Variants in PCDHGA11 observed in about 807,000 individuals in gnomAD.
The protein encoded by PCDHGA11 is protocadherin gamma-A11.
PCDHGA11 carries 39 observed loss-of-function variants against 60.4 expected under a neutral mutation model. That is an observed-to-expected ratio of 0.65 (90% CI 0.50 to 0.84). The LOEUF (loss-of-function observed/expected upper bound fraction) is 0.84, where lower values mean the gene tolerates loss of function less well. Ranked by LOEUF, PCDHGA11 falls within the 40% of genes least tolerant of loss-of-function variation. The pLI is 0.00. For missense variants in PCDHGA11, 1,165 were observed against 1,197.7 expected, an observed-to-expected ratio of 0.97 and a Z score of 0.40; for synonymous variants, 533 against 510.3, an observed-to-expected ratio of 1.04 and a Z score of -0.60.
In PCDHGA11 at chr5:141,489,307, T is replaced by A; in HGVS notation, c.2434-5500T>A. On this transcript the variant is annotated intron_variant, in intron 1 of 3. Transcript: ENST00000398587. The surrounding 1 kb of genome is among the most constrained non-coding windows in gnomAD (Gnocchi z 4.5). ...AGTGCTGTGCATGTTGTCCTTGTGCTGCTGGGGCTGGGTGTCTGGGCAGCT... is the reference window on the plus strand; with the variant it reads ...AGTGCTGTGCATGTTGTCCTTGTGCAGCTGGGGCTGGGTGTCTGGGCAGCT... The A allele has an allele frequency of 6.3e-7, 1 of 1,591,138 alleles. No individual in the cohort carries two copies. The highest frequency in any genetic ancestry group is 8.6e-7 in the Non-Finnish European group (1 of 1,168,222).
At chr5:141,451,925 G>A (rs1391178313) in intron 1 of PCDHGA11, among the ~76,000 whole-genome samples, 2 of 152,012 alleles carry the variant, frequency 1.3e-5, no homozygotes, top group East Asian at 3.8e-4. Context: ...AGGAAGGGAG[G>A]TAGGGAGGCA....
At chr5:141,478,840 A>G (rs2099480064) in intron 1 of PCDHGA11, 1 of 1,410,466 alleles carries the variant, frequency 7.1e-7, no homozygotes, top group Non-Finnish European at 9.3e-7. Context: ...AGGGATGGTT[A>G]AGCTAAAACA....
chr5:141,441,609 A>G (rs922588350), intron 1 of PCDHGA11: 2 of 218,734 alleles, frequency 9.1e-6, no homozygotes, highest in South Asian at 5.5e-5. Context: ...TCCCTATTCC[A>G]TCGTGGCCAG....
rs1219842498 is a variant in PCDHGA11, at chr5:141,422,569, G to A, written c.1342G>A (p.Asp448Asn). The A allele has an allele frequency of 6.2e-7, 1 of 1,613,984 alleles. No individual in the cohort carries two copies. The highest frequency in any genetic ancestry group is 1.7e-5 in the Admixed American group (1 of 60,026). ...HVWLNVADDN[D>N]NPPVFPHSSY... Reference sequence around the variant, plus strand: ...CTGGCTGAATGTGGCAGATGACAACGATAACCCTCCCGTTTTTCCTCACTC... The same window carrying A: ...CTGGCTGAATGTGGCAGATGACAACAATAACCCTCCCGTTTTTCCTCACTC... The change falls in exon 1 of 4, where the codon GAT becomes AAT. Residue 448 changes from aspartate to asparagine, a missense_variant. Physicochemically the swap from Asp to Asn is conservative, Grantham distance 23 (BLOSUM62 1). Coordinates refer to ENST00000398587, the MANE Select transcript of PCDHGA11 (RefSeq NM_018914.3).
At chr5:141,503,384 C>G (rs898225633) in intron 2 of PCDHGA11, among the ~76,000 whole-genome samples, 1 of 151,906 alleles carries the variant, frequency 6.6e-6, no homozygotes, top group Non-Finnish European at 1.5e-5. Flanking sequence ...ATCATGAGGT[C>G]AGGAGTTCGA....
At chr5:141,498,669 C>T (rs774292307) in intron 2 of PCDHGA11, among the ~76,000 whole-genome samples, 29 of 152,156 alleles carry the variant, frequency 1.9e-4, no homozygotes, top group African/African-American at 6.0e-4. Flanking sequence ...TGGTGGCTCA[C>T]GCCTGTAATC....
chr5:141,498,684 C>T (rs1255085852), intron 2 of PCDHGA11, among the ~76,000 whole-genome samples: 1 of 152,192 alleles, frequency 6.6e-6, no homozygotes, highest in South Asian at 2.1e-4. Flanking sequence ...GTAATCCCAG[C>T]ACTTTGGGAG....
intron 1 of PCDHGA11, among the ~76,000 whole-genome samples, chr5:141,456,842 A>G (rs1374546355): frequency 6.6e-6 from 1 of 152,150 alleles, no homozygotes; most frequent in African/African-American, 2.4e-5. Flanking sequence ...GGGCGCCTGT[A>G]ATCCCAGCTA....
Position 141,421,241 on chromosome 5 carries a change from T to C in PCDHGA11, c.14T>C (p.Leu5Pro). The change falls in exon 1 of 4, where the codon CTA becomes CCA. Residue 5 changes from leucine (L) to proline (P), a missense_variant. Transcript: ENST00000398587. The stretch of plus-strand genomic sequence containing the variant: ...TTAGAGCCTGCCATGGCGAATCGGC[T>C]ACAGCGCGGGGACCGCAGTCGGCTG... MANR[L>P]QRGDRSRLLL... The C allele has an allele frequency of 6.2e-7, 1 of 1,600,982 alleles. No homozygotes were observed. Among genetic ancestry groups the C allele is most frequent in the Non-Finnish European group, 8.5e-7 (1 of 1,174,904 alleles).
chr5:141,423,689 G>A (rs2096767103), intron 1 of PCDHGA11, 29 bp downstream of exon 1: 2 of 1,400,130 alleles, frequency 1.4e-6, no homozygotes, highest in Non-Finnish European at 9.4e-7. Context: ...CCTCCTAATT[G>A]TTGGTGTCTT....
At position 141,477,368 on chromosome 5, in the gene PCDHGA11, G is replaced by A; in HGVS notation, c.2434-17439G>A. Reference sequence around the variant, plus strand: ...GAAAACCAGTGCAGACCTGGATCGGGAGACTGTGCCAGAATACAACCTCAG... The same window carrying A: ...GAAAACCAGTGCAGACCTGGATCGGAAGACTGTGCCAGAATACAACCTCAG... On this transcript the variant is annotated intron_variant, in intron 1 of 3. Coordinates refer to ENST00000398587, the MANE Select transcript of PCDHGA11 (RefSeq NM_018914.3). The surrounding 1 kb of genome is among the most constrained non-coding windows in gnomAD (Gnocchi z 4.9). 6.2e-7 allele frequency: 1 copy of A among 1,614,132 alleles called. No individual in the cohort carries two copies. Among genetic ancestry groups the A allele is most frequent in the Non-Finnish European group, 8.5e-7 (1 of 1,180,024 alleles).
chr5:141,490,042 G>C lies in PCDHGA11; in HGVS notation c.2434-4765G>C. 1 of 1,614,266 alleles carries C rather than the reference G, an allele frequency of 6.2e-7. No individual in the cohort carries two copies. Among genetic ancestry groups the C allele is most frequent in the Non-Finnish European group, 8.5e-7 (1 of 1,180,038 alleles). The stretch of plus-strand genomic sequence containing the variant: ...TCTGCTGCTCCGCCTCAATGCCACT[G>C]ATCCAGACGAGGGCACCAACGGCCA... On this transcript the variant is annotated intron_variant, in intron 1 of 3. Coordinates refer to ENST00000398587, the MANE Select transcript of PCDHGA11 (RefSeq NM_018914.3). This position sits in a 1 kb window ranked among gnomAD's most constrained non-coding sequence, Gnocchi z 5.4.
chr5:141,430,826 CTG>C (rs2097313923), intron 1 of PCDHGA11: 1 of 1,550,416 alleles, frequency 6.4e-7, no homozygotes, highest in Non-Finnish European at 8.7e-7. Context: ...CCTGGGGACT[CTG>C]TGGGAGACCG....
At position 141,421,455 on chromosome 5, in the gene PCDHGA11, C is replaced by G. The variant is rs762490406; in HGVS notation, c.228C>G (p.Phe76Leu). ...TCTCCAGAGGGAAGACACAGCTTTT[C>G]GCTGTGAATCCGCGAAGCGGCAGCT... ...RIVSRGKTQLFAVNPRSGSLI... is the reference protein window; with the variant it reads ...RIVSRGKTQLLAVNPRSGSLI... Residue 76 changes from phenylalanine to leucine, a missense_variant, in exon 1 of 4, where the codon TTC (phenylalanine) becomes TTG (leucine). By Grantham distance (22) the Phe-to-Leu change is conservative (BLOSUM62 0). Transcript: ENST00000398587. 10 of 1,614,108 alleles carry G rather than the reference C, an allele frequency of 6.2e-6. No homozygotes were observed. The highest frequency in any genetic ancestry group is 1.1e-5 in the South Asian group (1 of 91,090).
rs1247556723 is a variant in PCDHGA11 at position 141,489,841 on chromosome 5, G to A, written c.2434-4966G>A. 6.2e-7 allele frequency: 1 copy of A among 1,614,224 alleles called. No individual in the cohort carries two copies. The highest frequency in any genetic ancestry group is 1.7e-5 in the Admixed American group (1 of 60,032). On this transcript the variant is annotated intron_variant, in intron 1 of 3. Coordinates refer to ENST00000398587, the MANE Select transcript of PCDHGA11 (RefSeq NM_018914.3). The surrounding 1 kb of genome is among the most constrained non-coding windows in gnomAD (Gnocchi z 4.5). Reference sequence around the variant, plus strand: ...AGAGCTGGTGCTAGAGCAGCAGCTGGATCGTGAAGCCCAGGCAAGACATCA... The same window carrying A: ...AGAGCTGGTGCTAGAGCAGCAGCTGAATCGTGAAGCCCAGGCAAGACATCA...
intron 1 of PCDHGA11, chr5:141,468,497 C>T (rs1033597673): frequency 2.0e-5 from 3 of 152,074 alleles, no homozygotes; most frequent in Non-Finnish European, 4.4e-5. Context: ...GGAAGATTTT[C>T]ATGTGGACAA....
Position 141,476,072 on chromosome 5 carries a change from C to A in PCDHGA11, c.2434-18735C>A. 1.3e-6 allele frequency: 2 copies of A among 1,523,462 alleles called. No individual in the cohort carries two copies. The highest frequency in any genetic ancestry group is 1.3e-5 in the South Asian group (1 of 77,998). 94.4% of individuals were successfully genotyped at this position (1,523,462 alleles called of 1,614,324 possible). The stretch of plus-strand genomic sequence containing the variant: ...CGCTGAAAGTTTCTCAGCGAAATCT[C>A]AGGGACGATCTGGACCCCGCTGAGA... On this transcript the variant is annotated intron_variant, in intron 1 of 3. Coordinates refer to ENST00000398587, the MANE Select transcript of PCDHGA11 (RefSeq NM_018914.3). The surrounding 1 kb of genome is among the most constrained non-coding windows in gnomAD (Gnocchi z 7.6).
Position 141,421,201 on chromosome 5 carries a change from C to A in PCDHGA11, c.-27C>A. On this transcript the variant is annotated 5_prime_UTR_variant, in exon 1 of 4. Coordinates refer to ENST00000398587, the MANE Select transcript of PCDHGA11 (RefSeq NM_018914.3). The stretch of plus-strand genomic sequence containing the variant: ...ATTCACAACCAACCAGCTCGAGAAA[C>A]CGCGGAATATCGGCTTAGAGCCTGC... 2.0e-6 allele frequency: 3 copies of A among 1,518,204 alleles called. No individual in the cohort carries two copies. Among genetic ancestry groups the A allele is most frequent in the Non-Finnish European group, 2.6e-6 (3 of 1,134,998 alleles). 94.0% of individuals were successfully genotyped at this position (1,518,204 alleles called of 1,614,324 possible). A position where few individuals can be genotyped will look rare whatever the true frequency, so the allele number is the denominator to read the frequency against.
Position 141,432,205 on chromosome 5 carries a change from A to G in PCDHGA11, c.2433+8545A>G, listed in dbSNP as rs764567227. 1 of 1,614,180 alleles carries G rather than the reference A, an allele frequency of 6.2e-7. No individual in the cohort carries two copies. Among genetic ancestry groups the G allele is most frequent in the South Asian group, 1.1e-5 (1 of 91,074 alleles). On this transcript the variant is annotated intron_variant, in intron 1 of 3. Transcript: ENST00000398587. This position sits in a 1 kb window ranked among gnomAD's most constrained non-coding sequence, Gnocchi z 6.0. The stretch of plus-strand genomic sequence containing the variant: ...TGACCGCCCACGACCCCGACTGTGA[A>G]GAGAACGCCCAGATCACTTATTCCC...
Sources: allele counts gnomAD v4.1 joint callset (sites outside exome capture counted in the v4.1 genomes callset), GRCh38; gene constraint gnomAD v4.1.1; non-coding constraint Gnocchi (gnomAD v3.1); transcripts MANE v1.5; gene names NCBI Gene and HGNC (gene_info 2026-07-23, HGNC 2026-07-21).